GRID2: variants seen among roughly 807,000 people sequenced by gnomAD.
GRID2 encodes glutamate ionotropic receptor delta type subunit 2.
In GRID2, 33 loss-of-function variants were observed where a neutral mutation model predicts 114.8. The observed-to-expected ratio is 0.29, with a 90% CI of 0.22 to 0.38. The LOEUF (loss-of-function observed/expected upper bound fraction) is 0.38. Among genes scored for constraint, GRID2 ranks in the 10% least tolerant of loss-of-function variants. The probability of loss-of-function intolerance (pLI) is 1.00; values close to 1 mark genes in which losing one functional copy is unlikely to be tolerated. For missense variants in GRID2, 1,184 were observed against 1,257.7 expected (o/e 0.94, Z 0.89); for synonymous variants, 505 against 449.9 (o/e 1.12, Z -1.55).
At chr4:92,922,884 T>TG (rs759080245) in intron 2 of GRID2, among the ~76,000 whole-genome samples, 7 of 152,138 alleles carry the variant, frequency 4.6e-5, no homozygotes, top group Non-Finnish European at 1.0e-4. Context: ...AGGGCTTACT[T>TG]GGGGGAAGAA....
chr4:93,480,336 A>G (rs769354862), intron 11 of GRID2, among the ~76,000 whole-genome samples: 3 of 152,090 alleles, frequency 2.0e-5, no homozygotes, highest in Non-Finnish European at 2.9e-5. Flanking sequence ...GCTTCTGAAT[A>G]TATACACTGG....
chr4:93,437,366 T>C (rs1721196368), intron 10 of GRID2, among the ~76,000 whole-genome samples: 1 of 146,116 alleles, frequency 6.8e-6, no homozygotes, highest in South Asian at 2.2e-4. Context: ...AGTGCTTAAC[T>C]CCTTTACCAG....
intron 8 of GRID2, among the ~76,000 whole-genome samples, chr4:93,357,109 T>A (rs1217451411): frequency 1.3e-5 from 2 of 151,688 alleles, no homozygotes; most frequent in Non-Finnish European, 3.0e-5. Flanking sequence ...AGGTTTTTCA[T>A]ATTAAGTAAT....
intron 1 of GRID2, among the ~76,000 whole-genome samples, chr4:92,540,826 A>C (rs1193787284): frequency 1.3e-5 from 2 of 152,194 alleles, no homozygotes; most frequent in Non-Finnish European, 2.9e-5. Context: ...TCATGCTGCT[A>C]TAAAGACACA....
chr4:93,078,548 A>T (rs1729546919), intron 2 of GRID2, among the ~76,000 whole-genome samples: 1 of 150,824 alleles, frequency 6.6e-6, no homozygotes, highest in Non-Finnish European at 1.5e-5. Flanking sequence ...TTGTTACTAA[A>T]ATAAAAAGAT....
chr4:93,345,258 T>C (rs1292672310), intron 8 of GRID2, among the ~76,000 whole-genome samples: 1 of 152,102 alleles, frequency 6.6e-6, no homozygotes, highest in East Asian at 1.9e-4. Context: ...GCTATACTAA[T>C]TTAAATTTCC....
chr4:93,765,072 T>G (rs1256203378), intron 14 of GRID2, among the ~76,000 whole-genome samples: 1 of 152,174 alleles, frequency 6.6e-6, no homozygotes, highest in African/African-American at 2.4e-5. Flanking sequence ...TCTCTTTGCT[T>G]ATTATAAGAA....
Position 92,943,579 on chromosome 4 carries a change from CGTCAAA to C in GRID2, c.245-141411_245-141406del, listed in dbSNP as rs1751355319. On this transcript the variant is annotated intron_variant, in intron 2 of 15. Transcript: ENST00000282020. The stretch of plus-strand genomic sequence containing the variant: ...CGTCTGAAGCCTTCTTCTCTCAACT[CGTCAAA>C]GTCATTCTCCATCCAGCTTTGTTCC... Among the ~76,000 whole-genome samples the C allele has an allele frequency of 1.3e-5, 2 of 152,074 alleles. 1 individual carries two copies. The highest frequency in any genetic ancestry group is 4.1e-4 in the South Asian group (2 of 4,824).
At chr4:93,122,422 T>G (rs1733860642) in intron 4 of GRID2, among the ~76,000 whole-genome samples, 2 of 152,208 alleles carry the variant, frequency 1.3e-5, no homozygotes, top group South Asian at 4.1e-4. Flanking sequence ...GTATTATCTC[T>G]GTACTGCATC....
intron 2 of GRID2, among the ~76,000 whole-genome samples, chr4:92,938,423 T>C (rs1750830186): frequency 6.8e-6 from 1 of 146,752 alleles, no homozygotes; most frequent in African/African-American, 2.4e-5. Context: ...ATAATTATTT[T>C]TCATAAGAGA....
intron 8 of GRID2, among the ~76,000 whole-genome samples, chr4:93,251,537 C>T (rs1290729317): frequency 1.3e-5 from 2 of 152,072 alleles, no homozygotes; most frequent in Non-Finnish European, 2.9e-5. Flanking sequence ...AGTACATGTG[C>T]AGGGTGTGCA....
intron 7 of GRID2, among the ~76,000 whole-genome samples, chr4:93,235,208 A>G (rs1746636737): frequency 6.6e-6 from 1 of 152,122 alleles, no homozygotes; most frequent in Admixed American, 6.6e-5. Flanking sequence ...TGGTATTTCT[A>G]TATCAAGTGG....
intron 1 of GRID2, among the ~76,000 whole-genome samples, chr4:92,450,613 G>C (rs1249781163): frequency 7.2e-5 from 11 of 151,754 alleles, no homozygotes; most frequent in Non-Finnish European, 2.9e-5. Context: ...GGTGGGCTTT[G>C]ATGGCATAGT....
intron 1 of GRID2, among the ~76,000 whole-genome samples, chr4:92,357,763 A>G (rs1728400702): frequency 6.6e-6 from 1 of 151,860 alleles, no homozygotes; most frequent in African/African-American, 2.4e-5. Flanking sequence ...GAGTCACAGT[A>G]TTTTAAAATA....
At chr4:93,532,769 G>A (rs1731580041) in intron 13 of GRID2, among the ~76,000 whole-genome samples, 1 of 152,060 alleles carries the variant, frequency 6.6e-6, no homozygotes, top group Non-Finnish European at 1.5e-5. Flanking sequence ...TTCTGCTTTA[G>A]GGAATCTAAT....
chr4:92,804,232 T>A (rs1172016369), intron 2 of GRID2, among the ~76,000 whole-genome samples: 1 of 152,060 alleles, frequency 6.6e-6, no homozygotes, highest in Non-Finnish European at 1.5e-5. Flanking sequence ...ACAAATAATC[T>A]TACTATGTTA....
chr4:92,597,581 T>C (rs1269554498), intron 2 of GRID2, among the ~76,000 whole-genome samples: 1 of 152,210 alleles, frequency 6.6e-6, no homozygotes, highest in Non-Finnish European at 1.5e-5. Flanking sequence ...CTGTGAAAGC[T>C]GTGTTTAAAG....
At chr4:93,394,244 A>C (rs1057212849) in intron 8 of GRID2, among the ~76,000 whole-genome samples, 1 of 151,964 alleles carries the variant, frequency 6.6e-6, no homozygotes, top group Non-Finnish European at 1.5e-5. Context: ...ATTGGATCTA[A>C]GTTCTAATTA....
At chr4:93,648,834 T>A (rs1722338904) in intron 14 of GRID2, among the ~76,000 whole-genome samples, 1 of 150,758 alleles carries the variant, frequency 6.6e-6, no homozygotes, top group African/African-American at 2.4e-5. Flanking sequence ...TCTTGCTTCT[T>A]TATTCTCTTT....
Sources: gnomAD v4.1 joint callset for allele counts (sites outside exome capture counted in the v4.1 genomes callset) on GRCh38, gnomAD v4.1.1 for gene constraint, MANE v1.5 for transcripts, NCBI Gene and HGNC (gene_info 2026-07-23, HGNC 2026-07-21) for gene names.